NPAS3: variants seen among roughly 807,000 people sequenced by gnomAD.
NPAS3 encodes the protein neuronal PAS domain protein 3.
Under a neutral mutation model 73.1 loss-of-function variants are expected in NPAS3, and 14 were observed. That is an observed-to-expected ratio of 0.19 (90% CI 0.13 to 0.30). NPAS3 has a LOEUF of 0.30. Among genes scored for constraint, NPAS3 ranks in the 10% least tolerant of loss-of-function variants. NPAS3 has a pLI of 1.00. For synonymous variants in NPAS3, 620 were observed against 541.5 expected (o/e 1.14, Z -2.01); for missense variants, 1,096 against 1,250.0 (o/e 0.88, Z 1.86).
chr14:33,214,874 G>T, intron 2 of NPAS3: 1 of 329,324 alleles, frequency 3.0e-6, no homozygotes, highest in East Asian at 7.0e-5. Context: ...AGCTACGCCT[G>T]TAAACCTTCT....
chr14:33,751,943 A>G (rs2061975303), intron 7 of NPAS3, among the ~76,000 whole-genome samples: 1 of 152,162 alleles, frequency 6.6e-6, no homozygotes, highest in South Asian at 2.1e-4. Context: ...AAATATTCAA[A>G]GTTATGTGTT....
At chr14:33,227,554 C>T (rs977635787) in intron 3 of NPAS3, among the ~76,000 whole-genome samples, 2 of 152,108 alleles carry the variant, frequency 1.3e-5, no homozygotes, top group Admixed American at 6.5e-5. Flanking sequence ...GAAGGCTATC[C>T]TCCTGGGTCA....
intron 5 of NPAS3, chr14:33,585,827 T>G (rs886784739): frequency 3.0e-4 from 45 of 152,230 alleles, no homozygotes; most frequent in African/African-American, 1.1e-3. Context: ...TCAGGCAAAA[T>G]TTTCAGTGGG....
At chr14:33,771,991 T>C (rs763838391) in intron 7 of NPAS3, among the ~76,000 whole-genome samples, 4 of 152,168 alleles carry the variant, frequency 2.6e-5, no homozygotes, top group Non-Finnish European at 4.4e-5. Flanking sequence ...GGAGCCTCCT[T>C]CTTCACCTGA....
At chr14:32,958,184 T>A (rs2139197614) in intron 1 of NPAS3, among the ~76,000 whole-genome samples, 1 of 152,278 alleles carries the variant, frequency 6.6e-6, no homozygotes, top group Admixed American at 6.5e-5. Flanking sequence ...CTTGGTTTTT[T>A]TCATCTTATA....
chr14:33,383,159 G>GA (rs894064098), intron 4 of NPAS3, among the ~76,000 whole-genome samples: 24 of 148,538 alleles, frequency 1.6e-4, no homozygotes, highest in African/African-American at 5.9e-4. Context: ...GCTTTTTTGT[G>GA]AAAAAATTTC....
chr14:33,175,769 T>C (rs770625824), intron 2 of NPAS3, among the ~76,000 whole-genome samples: 1 of 152,154 alleles, frequency 6.6e-6, no homozygotes, highest in Non-Finnish European at 1.5e-5. Flanking sequence ...GAGTATTATT[T>C]TTAAAAAAAT....
At chr14:33,354,116 T>G (rs2140358890) in intron 3 of NPAS3, among the ~76,000 whole-genome samples, 1 of 152,334 alleles carries the variant, frequency 6.6e-6, no homozygotes, top group Admixed American at 6.5e-5. Context: ...TTCATCTATG[T>G]CTCATGGCTT....
chr14:33,554,830 C>T (rs2055281745), intron 4 of NPAS3, among the ~76,000 whole-genome samples: 1 of 152,202 alleles, frequency 6.6e-6, no homozygotes, highest in Non-Finnish European at 1.5e-5. Context: ...CCATTTAGCA[C>T]AATGCATTAA....
At chr14:33,751,957 TA>T (rs1186005083) in intron 7 of NPAS3, among the ~76,000 whole-genome samples, 2 of 152,152 alleles carry the variant, frequency 1.3e-5, no homozygotes, top group African/African-American at 2.4e-5. Flanking sequence ...ATGTGTTTTT[TA>T]AAAAAATCAA....
intron 4 of NPAS3, among the ~76,000 whole-genome samples, chr14:33,448,819 A>G (rs1431707745): frequency 1.3e-5 from 2 of 152,208 alleles, no homozygotes; most frequent in Non-Finnish European, 2.9e-5. Flanking sequence ...GAAAAATAGC[A>G]GCATACAAGC....
intron 7 of NPAS3, among the ~76,000 whole-genome samples, chr14:33,763,845 GTT>G (rs5807742): frequency 1.4e-4 from 20 of 145,138 alleles, no homozygotes; most frequent in East Asian, 4.0e-4. Context: ...GGGAGTATTG[GTT>G]TTTTTTTTTT....
At chr14:33,306,471 G>T (rs959325297) in intron 3 of NPAS3, among the ~76,000 whole-genome samples, 2 of 152,010 alleles carry the variant, frequency 1.3e-5, no homozygotes, top group Admixed American at 6.5e-5. Flanking sequence ...CTGCAGATTC[G>T]GGCTTTATCT....
intron 3 of NPAS3, among the ~76,000 whole-genome samples, chr14:33,252,640 A>ATT (rs11431774): frequency 4.0e-5 from 6 of 148,456 alleles, no homozygotes; most frequent in Non-Finnish European, 6.0e-5. Context: ...ATAGTTATCT[A>ATT]TTTTTTTTTT....
At chr14:33,078,532 CAAA>C (rs200285065) in intron 2 of NPAS3, among the ~76,000 whole-genome samples, 8 of 63,346 alleles carry the variant, frequency 1.3e-4, no homozygotes, top group Non-Finnish European at 2.7e-4. Flanking sequence ...AAAACAAAAC[CAAA>C]AAAAAAAAAA....
chr14:33,359,370 G>A (rs116830469), intron 3 of NPAS3, among the ~76,000 whole-genome samples: 232 of 152,276 alleles, frequency 1.5e-3, no homozygotes, highest in African/African-American at 5.1e-3. Flanking sequence ...GTCATAACAC[G>A]AAGCTTTGGG....
intron 4 of NPAS3, among the ~76,000 whole-genome samples, chr14:33,395,593 G>T (rs1357304149): frequency 6.6e-6 from 1 of 151,830 alleles, no homozygotes; most frequent in Non-Finnish European, 1.5e-5. Context: ...TATATATTAT[G>T]TATATGTACA....
chr14:32,967,118 A>G (rs1044225259), intron 1 of NPAS3, among the ~76,000 whole-genome samples: 3 of 151,980 alleles, frequency 2.0e-5, no homozygotes, highest in African/African-American at 7.3e-5. Context: ...ATTTACTACC[A>G]CCCCTGAGAC....
chr14:33,250,419 G>T (rs751956047), intron 3 of NPAS3, among the ~76,000 whole-genome samples: 2 of 152,070 alleles, frequency 1.3e-5, no homozygotes, highest in Non-Finnish European at 2.9e-5. Context: ...CAATAAAGTT[G>T]TAATAGGGTT....
Sources: gnomAD v4.1 joint callset for allele counts (sites outside exome capture counted in the v4.1 genomes callset) on GRCh38, gnomAD v4.1.1 for gene constraint, MANE v1.5 for transcripts, NCBI Gene and HGNC (gene_info 2026-07-23, HGNC 2026-07-21) for gene names.